SEL1L3: variants seen among roughly 807,000 people sequenced by gnomAD.
SEL1L3 encodes protein sel-1 homolog 3.
SEL1L3 carries 76 observed loss-of-function variants against 142.8 expected under a neutral mutation model. That is an observed-to-expected ratio of 0.53 (90% confidence interval 0.44 to 0.64). The LOEUF (loss-of-function observed/expected upper bound fraction) is 0.64. Ranked by LOEUF, SEL1L3 falls within the 30% of genes least tolerant of loss-of-function variation. The pLI is 0.00. For synonymous variants in SEL1L3, 504 were observed against 519.6 expected, an observed-to-expected ratio of 0.97 and a Z score of 0.41; for missense variants, 1,262 against 1,381.7, an observed-to-expected ratio of 0.91 and a Z score of 1.37.
chr4:25,794,564 A>G (rs971769932), intron 11 of SEL1L3, among the ~76,000 whole-genome samples: 3 of 152,224 alleles, frequency 2.0e-5, no homozygotes, highest in Admixed American at 1.3e-4. Flanking sequence ...TCAAGAAGCA[A>G]CAGATGCTGG....
chr4:25,756,994 G>T, intron 23 of SEL1L3: 1 of 1,190,566 alleles, frequency 8.4e-7, no homozygotes, highest in Non-Finnish European at 1.1e-6. Context: ...GAGGCTGGGT[G>T]CAGTGGCCCA....
At chr4:25,796,697 T>C (rs9761029) in intron 11 of SEL1L3, among the ~76,000 whole-genome samples, 76,921 of 151,328 alleles carry the variant, frequency 0.51, 21,986 homozygotes, top group African/African-American at 0.78. Flanking sequence ...AAGGCTGAGG[T>C]ATGAGCCCGG....
chr4:25,722,383 T>TTAAGA, the SEL1L3 span, among the ~76,000 whole-genome samples: 1 of 152,136 alleles, frequency 6.6e-6, no homozygotes, highest in East Asian at 1.9e-4. Flanking sequence ...GTCTTAATCA[T>TTAAGA]CCTTATGTCA....
chr4:25,759,008 C>A lies in SEL1L3; in HGVS notation c.3016G>T (p.Asp1006Tyr), dbSNP rs942290602. The change falls in exon 21 of 24, where the codon GAT becomes TAT. Residue 1006 changes from aspartate to tyrosine, a missense_variant. Physicochemically the swap from Asp to Tyr is radical, Grantham distance 160. Transcript: ENST00000399878. The stretch of plus-strand genomic sequence containing the variant: ...AGAGTTGAGTCAATTTCCAAGAAAT[C>A]CAAGATATGGTGTGGGATTATCGTA... The part of the protein sequence containing the change: ...EGTIIPHHIL[D>Y]FLEIDSTLHS... 6.2e-7 allele frequency: 1 copy of A among 1,613,748 alleles called. No individual in the cohort carries two copies. Among genetic ancestry groups the A allele is most frequent in the Admixed American group, 1.7e-5 (1 of 60,006 alleles).
At chr4:25,806,131 T>C (rs1173536349) in intron 9 of SEL1L3, among the ~76,000 whole-genome samples, 8 of 149,962 alleles carry the variant, frequency 5.3e-5, no homozygotes, top group East Asian at 4.1e-4. Context: ...CTCCGCCTCC[T>C]GGGTTCACGC....
chr4:25,836,035 T>C (rs1715795089), intron 2 of SEL1L3, among the ~76,000 whole-genome samples: 2 of 152,216 alleles, frequency 1.3e-5, no homozygotes, highest in South Asian at 2.1e-4. Context: ...TCAGAATCCA[T>C]ACTCTTAAAA....
chr4:25,823,509 C>A (rs145062861), intron 6 of SEL1L3, among the ~76,000 whole-genome samples: 1 of 151,518 alleles, frequency 6.6e-6, no homozygotes, highest in African/African-American at 2.4e-5. Context: ...AGCGAGACTC[C>A]ATGTCAAAAT....
intron 9 of SEL1L3, among the ~76,000 whole-genome samples, chr4:25,815,336 G>A (rs998210980): frequency 3.9e-5 from 6 of 152,176 alleles, no homozygotes; most frequent in Non-Finnish European, 8.8e-5. Flanking sequence ...CTCACTGTGC[G>A]GGAATCTAGC....
intron 23 of SEL1L3, among the ~76,000 whole-genome samples, chr4:25,753,751 A>T (rs1431992711): frequency 6.6e-6 from 1 of 152,206 alleles, no homozygotes; most frequent in Non-Finnish European, 1.5e-5. Context: ...TGGGAGTCCA[A>T]GGCAGGTAGA....
chr4:25,779,254 G>C lies in SEL1L3; in HGVS notation c.2458-51C>G, dbSNP rs1248002483. The C allele has an allele frequency of 3.1e-6, 5 of 1,603,330 alleles. No individual in the cohort carries two copies. In the African/African-American group the frequency reaches 6.7e-5, roughly 21 times the overall value. On this transcript the variant is annotated intron_variant, in intron 15 of 23. Coordinates refer to ENST00000399878, the MANE Select transcript of SEL1L3 (RefSeq NM_015187.5). Reference sequence around the variant, plus strand: ...GAGTCATCCTAGCTGGGCTGGTTTCGCCAGAGACAAGGTGATGAGATGCTT... The same window carrying C: ...GAGTCATCCTAGCTGGGCTGGTTTCCCCAGAGACAAGGTGATGAGATGCTT...
intron 13 of SEL1L3, among the ~76,000 whole-genome samples, chr4:25,787,261 AG>A (rs1346850833): frequency 2.6e-5 from 4 of 152,260 alleles, no homozygotes; most frequent in Non-Finnish European, 4.4e-5. Context: ...GTTGGTTGTG[AG>A]GATTTAATGC....
the SEL1L3 span, among the ~76,000 whole-genome samples, chr4:25,722,199 G>T: frequency 6.6e-6 from 1 of 152,252 alleles, no homozygotes; most frequent in Non-Finnish European, 1.5e-5. Flanking sequence ...CAAAGGTAAT[G>T]GAAGATGAGT....
intron 1 of SEL1L3, among the ~76,000 whole-genome samples, chr4:25,860,840 C>T (rs886764710): frequency 3.9e-5 from 6 of 152,114 alleles, no homozygotes; most frequent in Non-Finnish European, 8.8e-5. Flanking sequence ...TTCCGGAGCC[C>T]TTCCTCACTC....
intron 23 of SEL1L3, chr4:25,756,299 G>C (rs749109801): frequency 1.0e-6 from 1 of 985,238 alleles, no homozygotes; most frequent in African/African-American, 1.7e-5. Context: ...CTGTGGGTGT[G>C]AGTACCTACT....
chr4:25,722,122 AG>A, the SEL1L3 span, among the ~76,000 whole-genome samples: 11 of 152,188 alleles, frequency 7.2e-5, no homozygotes, highest in African/African-American at 2.4e-4. Context: ...ATTTTAACAA[AG>A]GAAAGGGGCT....
intron 1 of SEL1L3, among the ~76,000 whole-genome samples, chr4:25,852,081 G>A (rs78911185): frequency 0.017 from 2,626 of 152,098 alleles, 67 homozygotes; most frequent in African/African-American, 0.053. Flanking sequence ...TTATGTTCTC[G>A]TTTATGCTGC....
intron 5 of SEL1L3, among the ~76,000 whole-genome samples, chr4:25,831,490 TAAA>T (rs1462239436): frequency 1.7e-4 from 19 of 114,674 alleles, no homozygotes; most frequent in Non-Finnish European, 2.1e-4. Flanking sequence ...TAATTATTTT[TAAA>T]TAATAATAAT....
At position 25,761,873 on chromosome 4, in the gene SEL1L3, G is replaced by A. The variant is rs191376815; in HGVS notation, c.2956-2805C>T. On this transcript the variant is annotated intron_variant, in intron 20 of 23. Coordinates refer to ENST00000399878, the MANE Select transcript of SEL1L3 (RefSeq NM_015187.5). The stretch of plus-strand genomic sequence containing the variant: ...TCTCTACTTAAACACTGATCGGTGA[G>A]GTATTAAATGGAAAGCCCTTTCAGA... Among the ~76,000 whole-genome samples, 21 of 152,300 alleles carry A rather than the reference G, an allele frequency of 1.4e-4. No homozygotes were observed. In the East Asian group the frequency reaches 3.9e-3, roughly 28 times the overall value.
the SEL1L3 span, among the ~76,000 whole-genome samples, chr4:25,732,036 T>A: frequency 1.3e-5 from 2 of 151,980 alleles, no homozygotes; most frequent in Non-Finnish European, 2.9e-5. Flanking sequence ...ATCACAGCAC[T>A]GCACTCCAGC....
Sources: allele counts gnomAD v4.1 joint callset (sites outside exome capture counted in the v4.1 genomes callset), GRCh38; gene constraint gnomAD v4.1.1; transcripts MANE v1.5; gene names NCBI Gene and HGNC (gene_info 2026-07-23, HGNC 2026-07-21).